DHTKD1: variants seen among roughly 807,000 people sequenced by gnomAD.
The protein encoded by DHTKD1 is dehydrogenase E1 and transketolase domain containing 1.
Under a neutral mutation model 101.8 loss-of-function variants are expected in DHTKD1, and 78 were observed. The ratio of observed to expected loss-of-function variants is 0.77; its 90% CI spans 0.64 to 0.93. The LOEUF is 0.93. DHTKD1 is among the 40% of genes least tolerant of loss of function. DHTKD1 has a pLI of 0.00. For missense variants in DHTKD1, 1,223 were observed against 1,161.7 expected (o/e 1.05, Z -0.77); for synonymous variants, 462 against 450.3 (o/e 1.03, Z -0.33).
In DHTKD1 at chr10:12,087,371, G is replaced by A. The variant is rs1291631147; in HGVS notation, c.523-164G>A. 2.6e-5 allele frequency among the ~76,000 whole-genome samples: 4 copies of A among 152,044 alleles called. No homozygotes were observed. The highest frequency in any genetic ancestry group is 4.4e-5 in the Non-Finnish European group (3 of 68,018). Reference sequence around the variant, plus strand: ...TCCCGGATCCTAGGAAAACCATCCCGCTGTGTCCGTGTTATGTCTCTCTCC... The same window carrying A: ...TCCCGGATCCTAGGAAAACCATCCCACTGTGTCCGTGTTATGTCTCTCTCC... On this transcript the variant is annotated intron_variant, in intron 3 of 16. Coordinates refer to ENST00000263035, the MANE Select transcript of DHTKD1 (RefSeq NM_018706.7). The surrounding 1 kb of genome is among the most constrained non-coding windows in gnomAD (Gnocchi z 5.2).
At chr10:12,120,389 A>G (rs1246066642) in intron 16 of DHTKD1, 122 bp downstream of exon 16, 6 of 814,084 alleles carry the variant, frequency 7.4e-6, no homozygotes, top group Admixed American at 4.8e-5. Context: ...GCTGGAGTGC[A>G]GTGGCGCAAT....
At chr10:12,113,221 G>A (rs1833363759) in intron 13 of DHTKD1, among the ~76,000 whole-genome samples, 157 bp downstream of exon 13, 1 of 151,888 alleles carries the variant, frequency 6.6e-6, no homozygotes, top group East Asian at 1.9e-4. Flanking sequence ...TTTTTGAGAC[G>A]CAGTCTTGCT....
intron 1 of DHTKD1, among the ~76,000 whole-genome samples, chr10:12,077,806 A>G (rs1832757178): frequency 6.8e-6 from 1 of 146,770 alleles, no homozygotes; most frequent in South Asian, 2.1e-4. Flanking sequence ...TAAACCCAGG[A>G]GTGTGAGGAA....
In DHTKD1 at chr10:12,107,417, G is replaced by C. The variant is rs1276125176; in HGVS notation, c.2048-492G>C. ...AAAGCCCAGGGCCTGTGCCGTGATA[G>C]GTTATGGCTTTCTTTTTTGAGACGG... On this transcript the variant is annotated intron_variant, in intron 11 of 16. Transcript: ENST00000263035. The surrounding 1 kb of genome is among the most constrained non-coding windows in gnomAD (Gnocchi z 4.1). Among the ~76,000 whole-genome samples the C allele has an allele frequency of 6.6e-6, 1 of 151,798 alleles. No individual in the cohort carries two copies. Among genetic ancestry groups the C allele is most frequent in the African/African-American group, 2.4e-5 (1 of 41,376 alleles).
intron 3 of DHTKD1, among the ~76,000 whole-genome samples, chr10:12,085,122 T>C (rs926849954): frequency 2.1e-4 from 32 of 151,998 alleles, no homozygotes; most frequent in African/African-American, 6.3e-4. Flanking sequence ...ATAGCCTGGC[T>C]GACATAGAGA....
intron 8 of DHTKD1, among the ~76,000 whole-genome samples, chr10:12,098,950 TGCTTGAGCCTAGAAGTTCAA>T (rs1833115491): frequency 6.6e-6 from 1 of 152,202 alleles, no homozygotes; most frequent in Admixed American, 6.5e-5. Flanking sequence ...GTGGAAGGAT[TGCTTGAGCCTAGAAGTTCAA>T]GACCAGCCTG....
intron 15 of DHTKD1, among the ~76,000 whole-genome samples, chr10:12,119,480 G>C (rs1229658106): frequency 6.6e-6 from 1 of 151,266 alleles, no homozygotes; most frequent in Admixed American, 6.6e-5. Flanking sequence ...GCCGGGCGTG[G>C]TGGCGGGCGC....
intron 1 of DHTKD1, among the ~76,000 whole-genome samples, chr10:12,072,955 C>T (rs927290478): frequency 6.6e-5 from 10 of 151,940 alleles, no homozygotes; most frequent in South Asian, 2.1e-4. Context: ...AGGCTGGTCT[C>T]GAACTCCCGA....
In DHTKD1 at chr10:12,074,300, TCTC is replaced by T. The variant is rs532476315; in HGVS notation, c.154+5117_154+5119del. Among the ~76,000 whole-genome samples, 59 of 152,144 alleles carry T rather than the reference TCTC, an allele frequency of 3.9e-4. No homozygotes were observed. In the South Asian group the frequency reaches 0.012, roughly 32 times the overall value. On this transcript the variant is annotated intron_variant, in intron 1 of 16. Transcript: ENST00000263035. Reference sequence around the variant, plus strand: ...GGCTCAAGTGATCCTGCCACCTCAGTCTCCTCAGTAGCTGAGATCACAGGCACG... The same window carrying T: ...GGCTCAAGTGATCCTGCCACCTCAGTCTCAGTAGCTGAGATCACAGGCACG...
At chr10:12,073,984 G>A (rs571672471) in intron 1 of DHTKD1, among the ~76,000 whole-genome samples, 3 of 152,288 alleles carry the variant, frequency 2.0e-5, no homozygotes, top group South Asian at 2.1e-4. Context: ...GAGTGCAGGC[G>A]TGTATCTGCT....
At chr10:12,117,618 A>G in intron 13 of DHTKD1, 55 bp from the exon 14 acceptor site, 1 of 1,032,022 alleles carries the variant, frequency 9.7e-7, no homozygotes, top group African/African-American at 1.6e-5. Context: ...CTTGTAAGTG[A>G]CAGCATCACC....
chr10:12,082,289 G>A (rs963930202), intron 2 of DHTKD1, among the ~76,000 whole-genome samples: 1 of 152,148 alleles, frequency 6.6e-6, no homozygotes, highest in South Asian at 2.1e-4. Context: ...AGTGGCAGAG[G>A]TGGGGTGAAA....
chr10:12,075,160 C>A (rs1832706324), intron 1 of DHTKD1, among the ~76,000 whole-genome samples: 1 of 152,110 alleles, frequency 6.6e-6, no homozygotes, highest in African/African-American at 2.4e-5. Context: ...TATGTCAATG[C>A]ATAGAGATCA....
At chr10:12,108,313 TC>T (rs1328116271) in intron 12 of DHTKD1, among the ~76,000 whole-genome samples, 1 of 152,136 alleles carries the variant, frequency 6.6e-6, no homozygotes, top group African/African-American at 2.4e-5. Context: ...GGGGTCTCGC[TC>T]TGTTGCCCAG....
At position 12,106,275 on chromosome 10, in the gene DHTKD1, C is replaced by T. The variant is rs371994485; in HGVS notation, c.1926C>T (p.Ala642=). ...GCAACAGCCCACTGTCAGAAGAGGC[C>T]GTCCTGGGATTTGAATATGGGATGA... ...EVSNSPLSEE[A]VLGFEYGMSI... is the part of the protein sequence containing the mutation. Residue 642 remains alanine (A), a synonymous_variant, in exon 11 of 17, where the codon GCC becomes GCT. Coordinates refer to ENST00000263035, the MANE Select transcript of DHTKD1 (RefSeq NM_018706.7). 1.1e-5 allele frequency: 17 copies of T among 1,613,944 alleles called. No individual in the cohort carries two copies. The highest frequency in any genetic ancestry group is 1.4e-5 in the Non-Finnish European group (16 of 1,180,006).
In DHTKD1 at chr10:12,094,101, T is replaced by C. The variant is rs752500384; in HGVS notation, c.1188T>C (p.His396=). 2 of 1,614,138 alleles carry C rather than the reference T, an allele frequency of 1.2e-6. No homozygotes were observed. The highest frequency in any genetic ancestry group is 2.2e-5 in the South Asian group (2 of 91,082). The change falls in exon 7 of 17, where the codon CAT becomes CAC. Residue 396 remains histidine (H), a synonymous_variant. Coordinates refer to ENST00000263035, the MANE Select transcript of DHTKD1 (RefSeq NM_018706.7). ...IGKLVGCAII[H]VNGDSPEEVV... is the part of the protein sequence containing the mutation. Reference sequence around the variant, plus strand: ...AGCTTGTGGGCTGTGCCATCATCCATGTCAATGGAGACAGCCCAGAGGAAG... The same window carrying C: ...AGCTTGTGGGCTGTGCCATCATCCACGTCAATGGAGACAGCCCAGAGGAAG...
At position 12,068,960 on chromosome 10, in the gene DHTKD1, T is replaced by C. The variant is rs1832604673; in HGVS notation, c.-74T>C. 1 of 1,570,252 alleles carries C rather than the reference T, an allele frequency of 6.4e-7. No homozygotes were observed. Among genetic ancestry groups the C allele is most frequent in the Non-Finnish European group, 8.7e-7 (1 of 1,153,350 alleles). On this transcript the variant is annotated 5_prime_UTR_variant, in exon 1 of 17. Coordinates refer to ENST00000263035, the MANE Select transcript of DHTKD1 (RefSeq NM_018706.7). ...CGGGGCTCCGGCCGCCTCTGACGAG[T>C]CCCGGATTTACCAGGGCCGGTGGGA...
chr10:12,096,067 C>A (rs559429881), intron 7 of DHTKD1, among the ~76,000 whole-genome samples: 22 of 152,132 alleles, frequency 1.4e-4, no homozygotes, highest in South Asian at 1.2e-3. Flanking sequence ...TCTTTTCTAA[C>A]GTGACTGCCA....
intron 15 of DHTKD1, among the ~76,000 whole-genome samples, chr10:12,119,486 G>C (rs1266984872): frequency 6.6e-6 from 1 of 150,794 alleles, no homozygotes; most frequent in Non-Finnish European, 1.5e-5. Flanking sequence ...CGTGGTGGCG[G>C]GCGCCTGTAG....
Sources: gnomAD v4.1 joint callset for allele counts (sites outside exome capture counted in the v4.1 genomes callset) on GRCh38, gnomAD v4.1.1 for gene constraint, Gnocchi (gnomAD v3.1) non-coding constraint, MANE v1.5 for transcripts, NCBI Gene and HGNC (gene_info 2026-07-23, HGNC 2026-07-21) for gene names.